Variants in SMOC2 observed in about 807,000 individuals in gnomAD.
SMOC2 encodes SPARC-related modular calcium-binding protein 2.
Under a neutral mutation model 61.4 loss-of-function variants are expected in SMOC2, and 39 were observed. That is an observed-to-expected ratio of 0.64 (90% CI 0.49 to 0.83). The LOEUF (loss-of-function observed/expected upper bound fraction) is 0.83, where lower values mean the gene tolerates loss of function less well. Among genes scored for constraint, SMOC2 ranks in the 40% least tolerant of loss-of-function variants. The pLI, the probability that SMOC2 is intolerant of heterozygous loss-of-function variation, is 0.00. For missense variants in SMOC2, 556 were observed against 592.9 expected (o/e 0.94, Z 0.65); for synonymous variants, 247 against 239.9 (o/e 1.03, Z -0.27).
intron 7 of SMOC2, among the ~76,000 whole-genome samples, chr6:168,572,312 C>T (rs62422470): frequency 0.89 from 15,621 of 17,568 alleles, 6,905 homozygotes; most frequent in Middle Eastern, 1. Context: ...CCCGCATCCC[C>T]GGGTGCCGGG....
intron 9 of SMOC2, among the ~76,000 whole-genome samples, chr6:168,625,375 A>G (rs2115239218): frequency 6.6e-6 from 1 of 152,276 alleles, no homozygotes; most frequent in South Asian, 2.1e-4. Context: ...GCAGGTTGTG[A>G]GCAGAGAGCA....
intron 1 of SMOC2, among the ~76,000 whole-genome samples, chr6:168,504,701 C>T (rs1782819793): frequency 6.6e-6 from 1 of 152,146 alleles, no homozygotes; most frequent in South Asian, 2.1e-4. Flanking sequence ...CTGTGTTCTT[C>T]CTTATACAGC....
intron 1 of SMOC2, among the ~76,000 whole-genome samples, chr6:168,464,971 G>A (rs1048979809): frequency 6.6e-6 from 1 of 152,160 alleles, no homozygotes; most frequent in Non-Finnish European, 1.5e-5. Flanking sequence ...GAGAAGCTCC[G>A]GAGGCTCCAC....
chr6:168,524,705 G>A (rs1783414254), intron 2 of SMOC2, among the ~76,000 whole-genome samples: 1 of 152,252 alleles, frequency 6.6e-6, no homozygotes. Flanking sequence ...CTAAAACACA[G>A]ACTGCATTAA....
At chr6:168,663,284 G>T (rs535640232) in intron 11 of SMOC2, among the ~76,000 whole-genome samples, 1 of 152,194 alleles carries the variant, frequency 6.6e-6, no homozygotes, top group Non-Finnish European at 1.5e-5. Flanking sequence ...TGCAGAGGGC[G>T]GTGAAGCCAG....
At chr6:168,636,559 CTG>C (rs1390459828) in intron 9 of SMOC2, among the ~76,000 whole-genome samples, 1 of 152,208 alleles carries the variant, frequency 6.6e-6, no homozygotes, top group East Asian at 1.9e-4. Flanking sequence ...CTAGAAACCT[CTG>C]TAGTTATTTC....
chr6:168,604,090 A>G (rs1175649520), intron 8 of SMOC2, among the ~76,000 whole-genome samples: 1 of 152,214 alleles, frequency 6.6e-6, no homozygotes, highest in Non-Finnish European at 1.5e-5. Flanking sequence ...CCTCTCCCAA[A>G]GCCGCCCTGA....
intron 7 of SMOC2, among the ~76,000 whole-genome samples, chr6:168,594,026 G>C (rs368766645): frequency 1.3e-3 from 31 of 23,482 alleles, no homozygotes; most frequent in South Asian, 2.8e-3. Flanking sequence ...TCTAGAGGAT[G>C]GCCGAGCTCC....
chr6:168,479,089 G>A (rs1047229484), intron 1 of SMOC2, among the ~76,000 whole-genome samples: 24 of 148,814 alleles, frequency 1.6e-4, no homozygotes, highest in East Asian at 2.0e-4. Flanking sequence ...ACCCTGTCTC[G>A]GGAAAAGGAG....
chr6:168,630,054 G>A (rs1159374847), intron 9 of SMOC2, among the ~76,000 whole-genome samples: 1 of 152,122 alleles, frequency 6.6e-6, no homozygotes, highest in Non-Finnish European at 1.5e-5. Context: ...CTGTCCTGTC[G>A]TGGGGCATCT....
At chr6:168,465,374 G>A (rs566567532) in intron 1 of SMOC2, among the ~76,000 whole-genome samples, 199 of 151,744 alleles carry the variant, frequency 1.3e-3, no homozygotes, top group African/African-American at 4.6e-3. Context: ...CAAAATTTCC[G>A]GGCTCTTCAT....
At chr6:168,521,081 A>T (rs913596196) in intron 2 of SMOC2, among the ~76,000 whole-genome samples, 2 of 152,222 alleles carry the variant, frequency 1.3e-5, no homozygotes, top group Non-Finnish European at 2.9e-5. Flanking sequence ...ATCATAAGTA[A>T]CCATTATAAA....
Position 168,612,003 on chromosome 6 carries a change from G to A in SMOC2, c.907+3764G>A, listed in dbSNP as rs1278291809. On this transcript the variant is annotated intron_variant, in intron 9 of 12. Coordinates refer to ENST00000356284, the MANE Select transcript of SMOC2 (RefSeq NM_001166412.2). ...GTGGAGACTGCACCTCCATGTTCCC[G>A]GCATCCGCGAGGTGGAACGAAGGAT... 4.6e-5 allele frequency among the ~76,000 whole-genome samples: 7 copies of A among 152,286 alleles called. No homozygotes were observed. In the South Asian group the frequency reaches 8.3e-4, roughly 18 times the overall value.
At chr6:168,445,145 C>T (rs1047676602) in intron 1 of SMOC2, among the ~76,000 whole-genome samples, 4 of 152,104 alleles carry the variant, frequency 2.6e-5, no homozygotes, top group African/African-American at 4.8e-5. Flanking sequence ...TAAGCAGATC[C>T]GAATATTTCT....
In SMOC2 at chr6:168,501,471, G is replaced by A. The variant is rs138657545; in HGVS notation, c.85-8444G>A. Among the ~76,000 whole-genome samples the A allele has an allele frequency of 7.1e-3, 1,076 of 151,286 alleles. 18 individuals carry two copies. Among genetic ancestry groups the A allele is most frequent in the African/African-American group, 0.025 (1,018 of 41,132 alleles). ...CGCTATGGGGCCAGGAACCTGCATC[G>A]TCCCTCCCTCGCCACGGGGCCAGGA... On this transcript the variant is annotated intron_variant, in intron 1 of 12. Coordinates refer to ENST00000356284, the MANE Select transcript of SMOC2 (RefSeq NM_001166412.2).
intron 9 of SMOC2, among the ~76,000 whole-genome samples, chr6:168,636,316 A>T (rs1383587993): frequency 6.6e-6 from 1 of 152,114 alleles, no homozygotes; most frequent in East Asian, 1.9e-4. Context: ...ACATAGACAG[A>T]CTCTAATGTC....
At chr6:168,550,079 C>T (rs1784095717) in intron 7 of SMOC2, among the ~76,000 whole-genome samples, 1 of 152,100 alleles carries the variant, frequency 6.6e-6, no homozygotes, top group Non-Finnish European at 1.5e-5. Context: ...CGGGTTTGTT[C>T]TGTAATTTTC....
intron 2 of SMOC2, among the ~76,000 whole-genome samples, chr6:168,511,341 G>A (rs970040773): frequency 5.9e-5 from 9 of 152,128 alleles, no homozygotes; most frequent in African/African-American, 2.2e-4. Flanking sequence ...ATGGCAGAAG[G>A]GGAAGCAAAC....
intron 4 of SMOC2, among the ~76,000 whole-genome samples, chr6:168,542,420 T>C (rs1783893274): frequency 6.6e-6 from 1 of 152,218 alleles, no homozygotes; most frequent in Non-Finnish European, 1.5e-5. Context: ...TTGTGTTCCT[T>C]TTTATCCCCT....
Sources: gnomAD v4.1 joint callset for allele counts (sites outside exome capture counted in the v4.1 genomes callset) on GRCh38, gnomAD v4.1.1 for gene constraint, MANE v1.5 for transcripts, NCBI Gene and HGNC (gene_info 2026-07-23, HGNC 2026-07-21) for gene names.